The following DCTD variants were observed in gnomAD, a reference collection of about 807,000 sequenced individuals.
DCTD encodes the protein dCMP deaminase, also known as deoxycytidylate deaminase.
In DCTD, 23 loss-of-function variants were observed where a neutral mutation model predicts 21.0. That is an observed-to-expected ratio of 1.09 (90% CI 0.79 to 1.55). DCTD has a LOEUF of 1.55. Among genes scored for constraint, DCTD ranks in the 40% most tolerant of loss-of-function variants. The pLI, the probability that DCTD is intolerant of heterozygous loss-of-function variation, is 0.00. For missense variants in DCTD, 224 were observed against 230.0 expected (o/e 0.97, Z 0.17); for synonymous variants, 71 against 81.1 (o/e 0.88, Z 0.67).
intron 3 of DCTD, among the ~76,000 whole-genome samples, chr4:182,910,036 G>A (rs577489357): frequency 6.6e-6 from 1 of 152,148 alleles, no homozygotes; most frequent in East Asian, 1.9e-4. Context: ...GAACTGACTC[G>A]GGTAAGAGCC....
At chr4:182,907,310 G>C (rs1337963514) in intron 3 of DCTD, among the ~76,000 whole-genome samples, 2 of 152,094 alleles carry the variant, frequency 1.3e-5, no homozygotes, top group Non-Finnish European at 2.9e-5. Context: ...GCTAATTTTT[G>C]TATTTTCTGT....
intron 5 of DCTD, 122 bp from the exon 6 acceptor site, chr4:182,891,599 C>G: frequency 1.4e-6 from 1 of 701,018 alleles, no homozygotes; most frequent in South Asian, 1.7e-5. Flanking sequence ...TTGCTATTTT[C>G]TCTCTATAGG....
chr4:182,908,682 CAAAAAAAA>C (rs34915632), intron 3 of DCTD, among the ~76,000 whole-genome samples: 1 of 63,740 alleles, frequency 1.6e-5, no homozygotes, highest in East Asian at 5.0e-4. Flanking sequence ...GACTCTGTCT[CAAAAAAAA>C]AAAAAAAAAA....
chr4:182,917,448 C>A (rs1035039983), upstream of DCTD: 4 of 498,128 alleles, frequency 8.0e-6, no homozygotes, highest in Non-Finnish European at 5.1e-6. This position sits in a 1 kb window ranked among gnomAD's most constrained non-coding sequence, Gnocchi z 4.9. Flanking sequence ...GTTCGCAGGA[C>A]GGCGGCTGGC....
chr4:182,914,679 G>A (rs912674292), intron 3 of DCTD, among the ~76,000 whole-genome samples: 5 of 152,238 alleles, frequency 3.3e-5, no homozygotes, highest in African/African-American at 1.2e-4. Context: ...AAGCCTGCCA[G>A]GCTCAGCACA....
intron 3 of DCTD, among the ~76,000 whole-genome samples, chr4:182,903,080 C>T (rs893198073): frequency 2.0e-5 from 3 of 152,148 alleles, no homozygotes; most frequent in South Asian, 2.1e-4. Context: ...TAACGACACC[C>T]GCCCCTTCCC....
intron 5 of DCTD, among the ~76,000 whole-genome samples, chr4:182,892,379 T>C (rs1733923142): frequency 6.6e-6 from 1 of 152,130 alleles, no homozygotes; most frequent in Admixed American, 6.5e-5. Context: ...AAAATGTTGC[T>C]GTAAAAAGAA....
intron 3 of DCTD, among the ~76,000 whole-genome samples, chr4:182,907,499 G>A (rs780712434): frequency 7.2e-5 from 11 of 152,128 alleles, no homozygotes; most frequent in Non-Finnish European, 2.9e-5. Flanking sequence ...TAATCTGCAT[G>A]TCTGTGGAGT....
intron 4 of DCTD, among the ~76,000 whole-genome samples, chr4:182,894,058 T>C (rs550277650): frequency 1.3e-5 from 2 of 152,366 alleles, no homozygotes; most frequent in African/African-American, 4.8e-5. Flanking sequence ...GACATTTATA[T>C]GCCAAGGTAT....
At chr4:182,916,098 C>T (rs892388780) in intron 1 of DCTD, among the ~76,000 whole-genome samples, 4 of 152,030 alleles carry the variant, frequency 2.6e-5, no homozygotes, top group African/African-American at 9.7e-5. Context: ...CCATGCCAGA[C>T]GGATTCAAAG....
chr4:182,916,945 G>C, intron 1 of DCTD: 1 of 998,410 alleles, frequency 1.0e-6, no homozygotes. Flanking sequence ...CACGCCGCTC[G>C]CAACCCCGTC....
At chr4:182,915,313 A>T (rs981425133) in intron 2 of DCTD, 148 bp downstream of exon 2, 66 of 704,894 alleles carry the variant, frequency 9.4e-5, no homozygotes, top group Non-Finnish European at 1.5e-4. Flanking sequence ...TCACAGGAAG[A>T]ACTAAGCTTG....
intron 3 of DCTD, among the ~76,000 whole-genome samples, chr4:182,908,763 A>C: frequency 6.6e-6 from 1 of 151,998 alleles, no homozygotes; most frequent in Non-Finnish European, 1.5e-5. Context: ...CAGATCATTA[A>C]TGTGCTCAAA....
chr4:182,913,436 A>G (rs1455773917), intron 3 of DCTD, among the ~76,000 whole-genome samples: 4 of 152,196 alleles, frequency 2.6e-5, no homozygotes, highest in Non-Finnish European at 5.9e-5. Context: ...TTTTCTTTCA[A>G]ACATGGAGAA....
intron 3 of DCTD, among the ~76,000 whole-genome samples, chr4:182,912,843 C>T (rs1018536763): frequency 2.6e-5 from 4 of 152,256 alleles, no homozygotes; most frequent in Admixed American, 6.5e-5. Context: ...CATTGGGAGG[C>T]CCACTCAGTG....
intron 1 of DCTD, chr4:182,916,029 C>T: frequency 3.8e-6 from 1 of 261,034 alleles, no homozygotes; most frequent in Non-Finnish European, 6.2e-6. Context: ...AGTGCCATCC[C>T]ATCTTACACA....
At chr4:182,893,884 A>G (rs1734259991) in intron 4 of DCTD, among the ~76,000 whole-genome samples, 1 of 152,248 alleles carries the variant, frequency 6.6e-6, no homozygotes, top group Non-Finnish European at 1.5e-5. Flanking sequence ...TTGGCTAAAC[A>G]TGGTAAGTCT....
chr4:182,897,755 C>A (rs900253756), intron 3 of DCTD, among the ~76,000 whole-genome samples: 1 of 152,208 alleles, frequency 6.6e-6, no homozygotes, highest in Non-Finnish European at 1.5e-5. Flanking sequence ...CAGGCTTGCC[C>A]GACCCGCACC....
intron 3 of DCTD, among the ~76,000 whole-genome samples, chr4:182,900,499 C>A: frequency 6.6e-6 from 1 of 151,610 alleles, no homozygotes; most frequent in Non-Finnish European, 1.5e-5. Context: ...CAAAACTAAC[C>A]AAGAAGTAAT....
Sources: allele counts gnomAD v4.1 joint callset (sites outside exome capture counted in the v4.1 genomes callset), GRCh38; gene constraint gnomAD v4.1.1; non-coding constraint Gnocchi (gnomAD v3.1); transcripts MANE v1.5; gene names NCBI Gene and HGNC (gene_info 2026-07-23, HGNC 2026-07-21).